BMPR1B: variants seen among roughly 807,000 people sequenced by gnomAD.
The protein encoded by BMPR1B is bone morphogenetic protein receptor type-1B.
In BMPR1B, 12 loss-of-function variants were observed where a neutral mutation model predicts 59.1. The ratio of observed to expected loss-of-function variants is 0.20; its 90% CI spans 0.13 to 0.33. BMPR1B has a LOEUF of 0.33. Ranked by LOEUF, BMPR1B falls within the 10% of genes least tolerant of loss-of-function variation. The pLI, the probability that BMPR1B is intolerant of heterozygous loss-of-function variation, is 1.00. For synonymous variants in BMPR1B, 237 were observed against 207.3 expected (o/e 1.14, Z -1.23); for missense variants, 550 against 610.9 (o/e 0.90, Z 1.05).
intron 2 of BMPR1B, among the ~76,000 whole-genome samples, chr4:94,984,505 A>T (rs1721279755): frequency 6.6e-6 from 1 of 152,162 alleles, no homozygotes; most frequent in Non-Finnish European, 1.5e-5. Flanking sequence ...CTTAAATACT[A>T]CTTAGGATTG....
At chr4:95,003,925 A>T (rs976530964) in intron 3 of BMPR1B, among the ~76,000 whole-genome samples, 33 of 143,730 alleles carry the variant, frequency 2.3e-4, no homozygotes, top group Admixed American at 3.1e-4. Flanking sequence ...CTTCTGCTTC[A>T]GCCTCATGAG....
chr4:94,832,959 C>CG (rs1440948094), intron 1 of BMPR1B, among the ~76,000 whole-genome samples: 3 of 151,342 alleles, frequency 2.0e-5, no homozygotes, highest in Admixed American at 6.6e-5. Context: ...GAGGCTGGGG[C>CG]GGGGGGATCC....
rs35455973 is a variant in BMPR1B at position 94,880,635 on chromosome 4, A to ATTT, written c.-113+4754_-113+4756dup. Among the ~76,000 whole-genome samples, 153 of 125,242 alleles carry ATTT rather than the reference A, an allele frequency of 1.2e-3. 6 individuals carry two copies. Among genetic ancestry groups the ATTT allele is most frequent in the Non-Finnish European group, 1.6e-3 (97 of 60,792 alleles). The allele number at this position is 125,242 out of a possible 152,430, so 82.2% of individuals were successfully genotyped here. ...TCACTGCGCCTGACCATTAAAATGA[A>ATTT]TTTTTTTTTTTTTTTTTTTTTGAGA... On this transcript the variant is annotated intron_variant, in intron 2 of 12. Transcript: ENST00000515059.
intron 3 of BMPR1B, among the ~76,000 whole-genome samples, chr4:95,012,263 T>C (rs1723277080): frequency 6.6e-6 from 1 of 152,194 alleles, no homozygotes; most frequent in African/African-American, 2.4e-5. Context: ...TTTTTTTTCT[T>C]AACACATTAA....
At chr4:95,094,003 G>A (rs1730189331) in intron 3 of BMPR1B, among the ~76,000 whole-genome samples, 1 of 151,962 alleles carries the variant, frequency 6.6e-6, no homozygotes, top group Non-Finnish European at 1.5e-5. Flanking sequence ...CTCCTGTCTA[G>A]GACTTAATTT....
At chr4:95,000,504 CGAAA>C (rs1553925527) in intron 3 of BMPR1B, among the ~76,000 whole-genome samples, 42 of 149,582 alleles carry the variant, frequency 2.8e-4, no homozygotes, top group African/African-American at 9.3e-4. Context: ...GACTCCATAT[CGAAA>C]GAAAGAAAGA....
chr4:94,928,395 A>G (rs1026364190), intron 2 of BMPR1B, among the ~76,000 whole-genome samples: 2 of 152,038 alleles, frequency 1.3e-5, no homozygotes, highest in Non-Finnish European at 2.9e-5. Flanking sequence ...TCCTCGAGAT[A>G]AGGTGTAGGC....
intron 2 of BMPR1B, among the ~76,000 whole-genome samples, chr4:94,974,290 T>G (rs1730925520): frequency 6.6e-6 from 1 of 152,234 alleles, no homozygotes; most frequent in African/African-American, 2.4e-5. Flanking sequence ...AAATATATTA[T>G]TTTTAGCTTG....
intron 1 of BMPR1B, among the ~76,000 whole-genome samples, chr4:94,855,181 T>TG (rs1297461642): frequency 6.6e-6 from 1 of 152,138 alleles, no homozygotes; most frequent in Non-Finnish European, 1.5e-5. Flanking sequence ...TTATAATATG[T>TG]GGGGGGATAA....
rs141714223 is a variant in BMPR1B, at chr4:94,762,602, T to C, written c.-183+4534T>C. ...GTCAGAGAGGTGGCGAGGTTCGTAG[T>C]ATAAAATATGTATTTTATTCAAAGT... is the stretch of plus-strand genomic sequence containing the variant. On this transcript the variant is annotated intron_variant, in intron 1 of 12. Transcript: ENST00000515059. 3.3e-5 allele frequency among the ~76,000 whole-genome samples: 5 copies of C among 152,322 alleles called. No homozygotes were observed. In the East Asian group the frequency reaches 9.6e-4, roughly 29 times the overall value.
chr4:94,963,098 T>A (rs1474716927), intron 2 of BMPR1B, among the ~76,000 whole-genome samples: 5 of 152,206 alleles, frequency 3.3e-5, no homozygotes, highest in Non-Finnish European at 7.3e-5. Flanking sequence ...TTAAAATATA[T>A]CTGTTGGACA....
chr4:94,927,271 C>T (rs1265333849), intron 2 of BMPR1B, among the ~76,000 whole-genome samples: 1 of 152,126 alleles, frequency 6.6e-6, no homozygotes, highest in Non-Finnish European at 1.5e-5. Context: ...GATCATTAGG[C>T]TCCTCTAGAT....
intron 1 of BMPR1B, among the ~76,000 whole-genome samples, chr4:94,836,056 A>C (rs1724802303): frequency 6.7e-6 from 1 of 148,470 alleles, no homozygotes; most frequent in Non-Finnish European, 1.5e-5. Context: ...GATGATTTCC[A>C]ATTTCATCCA....
intron 1 of BMPR1B, among the ~76,000 whole-genome samples, chr4:94,840,628 A>C (rs1276169957): frequency 6.9e-6 from 1 of 144,684 alleles, no homozygotes; most frequent in Non-Finnish European, 1.5e-5. Context: ...TCCTTTAAGC[A>C]CTTCTTTGTA....
At chr4:94,830,277 A>T (rs1239070705) in intron 1 of BMPR1B, among the ~76,000 whole-genome samples, 1 of 152,172 alleles carries the variant, frequency 6.6e-6, no homozygotes, top group African/African-American at 2.4e-5. Flanking sequence ...CATTCAGAAA[A>T]GTTAATGTTT....
At chr4:95,101,131 C>T (rs1730791869) in intron 3 of BMPR1B, among the ~76,000 whole-genome samples, 1 of 152,064 alleles carries the variant, frequency 6.6e-6, no homozygotes, top group Admixed American at 6.6e-5. Context: ...TATCTTTATG[C>T]TCTTTATTCT....
intron 2 of BMPR1B, among the ~76,000 whole-genome samples, chr4:94,934,763 A>C (rs1190397410): frequency 2.6e-5 from 4 of 152,066 alleles, no homozygotes; most frequent in Non-Finnish European, 5.9e-5. Flanking sequence ...TAAAAGTGGA[A>C]TTTTATTCCA....
At chr4:94,795,028 T>G (rs1723133515) in intron 1 of BMPR1B, among the ~76,000 whole-genome samples, 1 of 141,402 alleles carries the variant, frequency 7.1e-6, no homozygotes, top group Non-Finnish European at 1.5e-5. Flanking sequence ...TCCTGCCTAA[T>G]TGCCCTGGCC....
intron 10 of BMPR1B, among the ~76,000 whole-genome samples, chr4:95,134,575 T>C (rs951001055): frequency 3.3e-5 from 5 of 152,250 alleles, no homozygotes; most frequent in African/African-American, 1.2e-4. Flanking sequence ...TGGTGTGAGA[T>C]GGCATCTCAT....
Sources: gnomAD v4.1 joint callset for allele counts (sites outside exome capture counted in the v4.1 genomes callset) on GRCh38, gnomAD v4.1.1 for gene constraint, MANE v1.5 for transcripts, NCBI Gene and HGNC (gene_info 2026-07-23, HGNC 2026-07-21) for gene names.